ARMC3: variants seen among roughly 807,000 people sequenced by gnomAD.
ARMC3 encodes the protein armadillo repeat containing 3.
A neutral mutation model predicts 90.3 loss-of-function variants in ARMC3; 74 were observed. The observed-to-expected ratio is 0.82, with a 90% CI of 0.68 to 0.99. The LOEUF is 0.99. Among genes scored for constraint, ARMC3 ranks in the 50% least tolerant of loss-of-function variants. ARMC3 has a pLI of 0.00. For synonymous variants in ARMC3, 334 were observed against 361.8 expected (o/e 0.92, Z 0.87); for missense variants, 958 against 1,042.8 (o/e 0.92, Z 1.12).
chr10:23,035,235 A>G (rs1839080904), intron 18 of ARMC3, among the ~76,000 whole-genome samples: 1 of 152,188 alleles, frequency 6.6e-6, no homozygotes, highest in South Asian at 2.1e-4. Context: ...TTATAGGGAC[A>G]CTAATCCCAT....
intron 6 of ARMC3, 148 bp downstream of exon 6, chr10:22,959,722 T>C (rs559601295): frequency 1.3e-4 from 95 of 755,456 alleles, no homozygotes; most frequent in Non-Finnish European, 1.9e-4. Context: ...GAGAAAAAAA[T>C]AATGGAAGCT....
chr10:22,963,208 G>A (rs1426578035), intron 7 of ARMC3, among the ~76,000 whole-genome samples: 1 of 152,122 alleles, frequency 6.6e-6, no homozygotes, highest in African/African-American at 2.4e-5. Flanking sequence ...ATTGAGGAAT[G>A]TGATGGTATT....
chr10:22,944,865 T>C (rs1466721167), intron 2 of ARMC3, among the ~76,000 whole-genome samples: 1 of 152,224 alleles, frequency 6.6e-6, no homozygotes, highest in Non-Finnish European at 1.5e-5. Flanking sequence ...TTGGATCATG[T>C]CTAGAATCAC....
At chr10:23,029,219 G>T (rs1294994950) in intron 16 of ARMC3, among the ~76,000 whole-genome samples, 1 of 152,142 alleles carries the variant, frequency 6.6e-6, no homozygotes, top group Non-Finnish European at 1.5e-5. Flanking sequence ...AGCTTTCTCT[G>T]TGCTGATGTT....
chr10:22,928,493 T>A (rs1010583453), intron 1 of ARMC3, among the ~76,000 whole-genome samples: 2 of 151,548 alleles, frequency 1.3e-5, no homozygotes, highest in African/African-American at 4.9e-5. Flanking sequence ...GAAGAACAAA[T>A]ACAAAGGACC....
chr10:22,957,336 G>A (rs987402312), intron 4 of ARMC3, among the ~76,000 whole-genome samples: 9 of 152,160 alleles, frequency 5.9e-5, no homozygotes, highest in Admixed American at 5.9e-4. Flanking sequence ...TGTGGCGTCT[G>A]TGCCATTACA....
intron 3 of ARMC3, among the ~76,000 whole-genome samples, chr10:22,952,058 G>A (rs950365372): frequency 2.0e-5 from 3 of 152,138 alleles, no homozygotes; most frequent in Non-Finnish European, 4.4e-5. Flanking sequence ...CAGGGAGGTG[G>A]AGGTTGCAGT....
chr10:22,959,216 T>C (rs1189108636), intron 5 of ARMC3, 78 bp downstream of exon 5: 29 of 1,415,204 alleles, frequency 2.0e-5, no homozygotes, highest in Non-Finnish European at 2.5e-5. Flanking sequence ...TTGAAAATCA[T>C]TCATGAAATA....
At chr10:22,960,489 T>G in intron 6 of ARMC3, 1 of 152,100 alleles carries the variant, frequency 6.6e-6, no homozygotes. Context: ...CCTCCCTCCC[T>G]AAAAAAGAGA....
intron 17 of ARMC3, among the ~76,000 whole-genome samples, chr10:23,032,583 A>G (rs549235472): frequency 8.1e-5 from 12 of 147,628 alleles, no homozygotes; most frequent in South Asian, 4.4e-4. Context: ...TATTGATTTT[A>G]TCTTATTATA....
At chr10:23,021,935 C>A (rs1838530327) in intron 16 of ARMC3, among the ~76,000 whole-genome samples, 1 of 152,086 alleles carries the variant, frequency 6.6e-6, no homozygotes, top group Non-Finnish European at 1.5e-5. Context: ...ATTCCCTTAG[C>A]AGTATCTTTC....
chr10:22,956,662 T>C (rs1345125654), intron 4 of ARMC3, among the ~76,000 whole-genome samples: 1 of 149,598 alleles, frequency 6.7e-6, no homozygotes, highest in Non-Finnish European at 1.5e-5. Flanking sequence ...TTGCTTGGAA[T>C]CATATATGTC....
chr10:22,996,802 C>T (rs1026967268), intron 10 of ARMC3, among the ~76,000 whole-genome samples: 1 of 152,164 alleles, frequency 6.6e-6, no homozygotes, highest in African/African-American at 2.4e-5. Context: ...GGATAATTGT[C>T]ATAACTTCTT....
At chr10:22,963,674 A>G (rs953922827) in intron 7 of ARMC3, among the ~76,000 whole-genome samples, 10 of 151,778 alleles carry the variant, frequency 6.6e-5, no homozygotes, top group African/African-American at 2.4e-4. Flanking sequence ...GGTGGATCAC[A>G]AGGTCAGGAG....
intron 1 of ARMC3, 24 bp from the exon 2 acceptor site, chr10:22,931,972 A>C (rs377531017): frequency 1.2e-4 from 196 of 1,590,354 alleles, no homozygotes; most frequent in Non-Finnish European, 1.6e-4. Context: ...TGTCACTTTA[A>C]CCATATATTG....
intron 13 of ARMC3, among the ~76,000 whole-genome samples, chr10:23,004,835 T>C (rs1322873563): frequency 6.6e-6 from 1 of 152,072 alleles, no homozygotes; most frequent in Non-Finnish European, 1.5e-5. Context: ...CACAAACCAC[T>C]GAGAAATTGC....
rs755004893 is a variant in ARMC3 at position 22,998,389 on chromosome 10, C to T, written c.1417C>T (p.Arg473Trp). 2.5e-6 allele frequency: 4 copies of T among 1,613,852 alleles called. No individual in the cohort carries two copies. The highest frequency in any genetic ancestry group is 2.2e-5 in the East Asian group (1 of 44,872). The change falls in exon 11 of 19, where the codon CGG becomes TGG. Residue 473 changes from arginine (R) to tryptophan (W), a missense_variant. Transcript: ENST00000298032. The stretch of plus-strand genomic sequence containing the variant: ...CGCAACTGCGTGTGACGTTGAAGCC[C>T]GGACTGAGGTGAGAATTTTAATAAC... ...VTATACDVEA[R>W]TELRNSGGLE... is the part of the protein sequence containing the mutation.
At chr10:23,002,330 T>C (rs1837336862) in intron 12 of ARMC3, among the ~76,000 whole-genome samples, 1 of 152,228 alleles carries the variant, frequency 6.6e-6, no homozygotes, top group Non-Finnish European at 1.5e-5. Context: ...TACTTTCTTC[T>C]GCTACTGCCA....
rs539629036 is a variant in ARMC3, at chr10:22,939,386, C to T, written c.49-6758C>T. Among the ~76,000 whole-genome samples, 9 of 152,216 alleles carry T rather than the reference C, an allele frequency of 5.9e-5. No homozygotes were observed. In the South Asian group the frequency reaches 1.2e-3, roughly 21 times the overall value. ...CATGCATGAACAACTCTCAGGGTGCCGTTAAGTCAAACCCTCTCTAGAGCT... is the reference window on the plus strand; with the variant it reads ...CATGCATGAACAACTCTCAGGGTGCTGTTAAGTCAAACCCTCTCTAGAGCT... On this transcript the variant is annotated intron_variant, in intron 2 of 18. Coordinates refer to ENST00000298032, the MANE Select transcript of ARMC3 (RefSeq NM_173081.5).
Sources: gnomAD v4.1 joint callset for allele counts (sites outside exome capture counted in the v4.1 genomes callset) on GRCh38, gnomAD v4.1.1 for gene constraint, MANE v1.5 for transcripts, NCBI Gene and HGNC (gene_info 2026-07-23, HGNC 2026-07-21) for gene names.